Variants in TENM3 observed in about 807,000 individuals in gnomAD.
TENM3 encodes the protein teneurin transmembrane protein 3.
A neutral mutation model predicts 255.1 loss-of-function variants in TENM3; 63 were observed. The observed-to-expected ratio is 0.25, with a 90% CI of 0.20 to 0.30. The LOEUF (loss-of-function observed/expected upper bound fraction) is 0.30, where lower values mean the gene tolerates loss of function less well. TENM3 is among the 10% of genes least tolerant of loss of function. TENM3 has a pLI of 1.00. For missense variants in TENM3, 2,929 were observed against 3,461.1 expected, an observed-to-expected ratio of 0.85 and a Z score of 3.86; for synonymous variants, 1,306 against 1,322.3, an observed-to-expected ratio of 0.99 and a Z score of 0.27.
chr4:181,605,562 GAA>G, the TENM3 span, among the ~76,000 whole-genome samples: 144 of 27,122 alleles, frequency 5.3e-3, no homozygotes, highest in South Asian at 9.0e-3. Context: ...AAGAAAGAAA[GAA>G]AGAAAGAGAG....
chr4:181,565,590 GGTGA>G, the TENM3 span, among the ~76,000 whole-genome samples: 1 of 152,144 alleles, frequency 6.6e-6, no homozygotes, highest in East Asian at 1.9e-4. Flanking sequence ...AAAGCTGAAG[GGTGA>G]GTATCAGGGT....
At chr4:182,007,436 G>C in the TENM3 span, among the ~76,000 whole-genome samples, 1 of 152,162 alleles carries the variant, frequency 6.6e-6, no homozygotes, top group African/African-American at 2.4e-5. Flanking sequence ...ATTTAGGATA[G>C]TTAGCTCTTC....
chr4:182,560,538 G>A (rs1209588488), intron 3 of TENM3, among the ~76,000 whole-genome samples: 4 of 152,182 alleles, frequency 2.6e-5, no homozygotes, highest in African/African-American at 9.6e-5. Flanking sequence ...TTTCAAGAGA[G>A]GCAAAGGCAC....
the TENM3 span, among the ~76,000 whole-genome samples, chr4:181,724,038 C>T: frequency 6.6e-6 from 1 of 152,154 alleles, no homozygotes; most frequent in Non-Finnish European, 1.5e-5. Flanking sequence ...TGCCAGCAGG[C>T]CTATAAAAGC....
the TENM3 span, among the ~76,000 whole-genome samples, chr4:181,816,479 C>T: frequency 9.2e-5 from 14 of 152,252 alleles, no homozygotes; most frequent in African/African-American, 3.1e-4. Context: ...ATAATAAAGC[C>T]TTCCTTTCGT....
At position 182,792,786 on chromosome 4, in the gene TENM3, A is replaced by T. The variant is rs1202471609; in HGVS notation, c.6114A>T (p.Pro2038=). 6.2e-7 allele frequency: 1 copy of T among 1,614,018 alleles called. No homozygotes were observed. The highest frequency in any genetic ancestry group is 8.5e-7 in the Non-Finnish European group (1 of 1,179,892). ...TGCAGGGTGTGATCAATGAAACGCC[A>T]CTGCCTATTGATCTGTATCAGTTTG... is the stretch of plus-strand genomic sequence containing the variant. The part of the protein sequence containing the change: ...TSMQGVINET[P]LPIDLYQFDD... The change falls in exon 26 of 28, where the codon CCA becomes CCT. Residue 2038 remains proline, a synonymous_variant. Transcript: ENST00000511685. The surrounding 1 kb of genome is among the most constrained non-coding windows in gnomAD (Gnocchi z 6.3).
At chr4:182,307,335 GCC>G (rs1479401808) in intron 1 of TENM3, among the ~76,000 whole-genome samples, 1 of 152,090 alleles carries the variant, frequency 6.6e-6, no homozygotes, top group Non-Finnish European at 1.5e-5. Flanking sequence ...GTGCTAATTG[GCC>G]CCCTACTGGT....
the TENM3 span, among the ~76,000 whole-genome samples, chr4:181,561,780 G>A: frequency 6.6e-6 from 1 of 152,132 alleles, no homozygotes; most frequent in Non-Finnish European, 1.5e-5. Context: ...GTTATTCTCA[G>A]ATAAATCCCT....
At chr4:182,552,372 A>G (rs1422095290) in intron 3 of TENM3, among the ~76,000 whole-genome samples, 1 of 152,232 alleles carries the variant, frequency 6.6e-6, no homozygotes, top group Non-Finnish European at 1.5e-5. Flanking sequence ...TTCTTCATTT[A>G]CTGAACATCT....
intron 3 of TENM3, among the ~76,000 whole-genome samples, chr4:182,394,134 A>G (rs1768634770): frequency 6.6e-6 from 1 of 152,184 alleles, no homozygotes; most frequent in East Asian, 1.9e-4. Flanking sequence ...TCACCAATGC[A>G]TCTATGATAT....
At chr4:181,553,565 C>T in the TENM3 span, among the ~76,000 whole-genome samples, 1 of 151,850 alleles carries the variant, frequency 6.6e-6, no homozygotes, top group Non-Finnish European at 1.5e-5. Context: ...CCTCAGCCTC[C>T]CGAGTAGCTG....
At chr4:182,560,435 C>A (rs890285584) in intron 3 of TENM3, among the ~76,000 whole-genome samples, 2 of 152,164 alleles carry the variant, frequency 1.3e-5, no homozygotes, top group African/African-American at 4.8e-5. Flanking sequence ...TCAGTGCCCC[C>A]TCTACTGCTT....
the TENM3 span, among the ~76,000 whole-genome samples, chr4:181,476,070 A>T: frequency 6.6e-6 from 1 of 152,216 alleles, no homozygotes; most frequent in Non-Finnish European, 1.5e-5. Context: ...TATTCACAGC[A>T]GTAGGTGCAT....
chr4:182,708,457 G>A (rs1758459723), intron 12 of TENM3, among the ~76,000 whole-genome samples: 1 of 152,062 alleles, frequency 6.6e-6, no homozygotes, highest in African/African-American at 2.4e-5. Flanking sequence ...GTGAACATAT[G>A]TGAATTTTTC....
the TENM3 span, among the ~76,000 whole-genome samples, chr4:181,639,002 C>T: frequency 2.0e-5 from 3 of 152,150 alleles, no homozygotes; most frequent in Admixed American, 2.0e-4. Context: ...TCTAACTGGA[C>T]AAATTGTTAA....
chr4:182,116,342 C>T, the TENM3 span, among the ~76,000 whole-genome samples: 1 of 152,040 alleles, frequency 6.6e-6, no homozygotes, highest in African/African-American at 2.4e-5. Context: ...ATTGAAGTGG[C>T]TTCTGATATG....
At chr4:181,717,576 C>T in the TENM3 span, among the ~76,000 whole-genome samples, 4 of 152,156 alleles carry the variant, frequency 2.6e-5, no homozygotes, top group African/African-American at 4.8e-5. Flanking sequence ...TATATGAATA[C>T]GACACCAGTG....
chr4:181,926,571 T>TTTG, the TENM3 span, among the ~76,000 whole-genome samples: 688 of 152,098 alleles, frequency 4.5e-3, 18 homozygotes, highest in South Asian at 0.059. Flanking sequence ...GTTTTGGGGT[T>TTTG]TTGTTGTTGT....
intron 7 of TENM3, among the ~76,000 whole-genome samples, chr4:182,676,315 T>C (rs1377694181): frequency 2.0e-5 from 3 of 152,324 alleles, no homozygotes; most frequent in African/African-American, 7.2e-5. Context: ...TGGTGAAGTA[T>C]ACTGTAGCAT....
Sources: gnomAD v4.1 joint callset for allele counts (sites outside exome capture counted in the v4.1 genomes callset) on GRCh38, gnomAD v4.1.1 for gene constraint, Gnocchi (gnomAD v3.1) non-coding constraint, MANE v1.5 for transcripts, NCBI Gene and HGNC (gene_info 2026-07-23, HGNC 2026-07-21) for gene names.